Variants in FLT3LG observed in about 807,000 individuals in gnomAD.
The protein encoded by FLT3LG is fms-related tyrosine kinase 3 ligand.
In FLT3LG, 8 loss-of-function variants were observed where a neutral mutation model predicts 30.9. That is an observed-to-expected ratio of 0.26 (90% CI 0.15 to 0.47). The LOEUF (loss-of-function observed/expected upper bound fraction) is 0.47, where lower values mean the gene tolerates loss of function less well. Ranked by LOEUF, FLT3LG falls within the 20% of genes least tolerant of loss-of-function variation. The pLI, the probability that FLT3LG is intolerant of heterozygous loss-of-function variation, is 0.99. For missense variants in FLT3LG, 278 were observed against 306.2 expected, an observed-to-expected ratio of 0.91 and a Z score of 0.69; for synonymous variants, 123 against 135.9, an observed-to-expected ratio of 0.91 and a Z score of 0.66.
At position 49,484,559 on chromosome 19, in the gene FLT3LG, C is replaced by T. The variant is rs183564830; in HGVS notation, c.*22-1456C>T. Reference sequence around the variant, plus strand: ...TTGCCCAGGCTGGAGTGCAACGGCACGATCTCGGCTCACTGCAACATCTGC... The same window carrying T: ...TTGCCCAGGCTGGAGTGCAACGGCATGATCTCGGCTCACTGCAACATCTGC... On this transcript the variant is annotated intron_variant, in intron 8 of 8. Coordinates refer to ENST00000597551, the MANE Select transcript of FLT3LG (RefSeq NM_001459.4). Among the ~76,000 whole-genome samples the T allele has an allele frequency of 1.4e-3, 211 of 151,998 alleles. 3 individuals carry two copies. The highest frequency in any genetic ancestry group is 0.01 in the Middle Eastern group (3 of 294).
chr19:49,484,864 C>T (rs900381444), intron 8 of FLT3LG, among the ~76,000 whole-genome samples: 2 of 152,100 alleles, frequency 1.3e-5, no homozygotes, highest in African/African-American at 2.4e-5. Flanking sequence ...CTTGGCAGAT[C>T]GCTTGAGCCT....
At chr19:49,478,746 G>A (rs1601094229) in intron 5 of FLT3LG, among the ~76,000 whole-genome samples, 163 bp from the exon 6 acceptor site, 1 of 150,250 alleles carries the variant, frequency 6.7e-6, no homozygotes, top group African/African-American at 2.5e-5. Flanking sequence ...AACAGAGTGA[G>A]ACTCTATCTC....
intron 8 of FLT3LG, among the ~76,000 whole-genome samples, chr19:49,485,256 T>C (rs1601146195): frequency 6.7e-6 from 1 of 149,276 alleles, no homozygotes; most frequent in African/African-American, 2.5e-5. Flanking sequence ...TTCTTTTTTT[T>C]TTTTTTTTTG....
chr19:49,476,191 T>G lies in FLT3LG; in HGVS notation c.191T>G (p.Leu64Arg), dbSNP rs754447812. Residue 64 changes from leucine to arginine, a missense_variant, in exon 4 of 9, where the codon CTG becomes CGG. By Grantham distance (102) the Leu-to-Arg change is moderately radical. Transcript: ENST00000597551. This position sits in a 1 kb window ranked among gnomAD's most constrained non-coding sequence, Gnocchi z 5.3. ...QDYPVTVASN[L>R]QDEELCGGLW... ...TACCCAGTCACCGTGGCCTCCAACC[T>G]GCAGGACGTAAGTCATGTTGGGAGG... is the stretch of plus-strand genomic sequence containing the variant. 1 of 1,612,456 alleles carries G rather than the reference T, an allele frequency of 6.2e-7. No individual in the cohort carries two copies.
intron 5 of FLT3LG, among the ~76,000 whole-genome samples, chr19:49,477,218 A>T (rs7409047): frequency 0.18 from 27,346 of 151,858 alleles, 3,728 homozygotes; most frequent in African/African-American, 0.38. Context: ...AGGTGGGAGG[A>T]TTATTTGAGC....
At chr19:49,483,814 A>T (rs1023099339) in intron 8 of FLT3LG, among the ~76,000 whole-genome samples, 4 of 150,408 alleles carry the variant, frequency 2.7e-5, no homozygotes, top group African/African-American at 9.8e-5. Flanking sequence ...ATCCAACAAC[A>T]ACAAAAATAA....
At position 49,476,021 on chromosome 19, in the gene FLT3LG, T is replaced by G; in HGVS notation, c.145-124T>G. 1 of 1,171,374 alleles carries G rather than the reference T, an allele frequency of 8.5e-7. No homozygotes were observed. The highest frequency in any genetic ancestry group is 1.9e-4 in the Middle Eastern group (1 of 5,236). 72.6% of individuals were successfully genotyped at this position (1,171,374 alleles called of 1,614,324 possible). On this transcript the variant is annotated intron_variant, in intron 3 of 8. Coordinates refer to ENST00000597551, the MANE Select transcript of FLT3LG (RefSeq NM_001459.4). The surrounding 1 kb of genome is among the most constrained non-coding windows in gnomAD (Gnocchi z 5.3). ...TTTTTAAGGGCAAGGTTCTGTGGCTTCTTCTGGGCTCCCCCTCTCTTGGTC... is the reference window on the plus strand; with the variant it reads ...TTTTTAAGGGCAAGGTTCTGTGGCTGCTTCTGGGCTCCCCCTCTCTTGGTC...
In FLT3LG at chr19:49,476,921, C is replaced by A. The variant is rs907318314; in HGVS notation, c.342+355C>A. ...TAGCACTTTGGGAGGCTGAGGTGGG[C>A]GGATCACTTGAGGTCAGGAGTTTGA... On this transcript the variant is annotated intron_variant, in intron 5 of 8. Coordinates refer to ENST00000597551, the MANE Select transcript of FLT3LG (RefSeq NM_001459.4). The surrounding 1 kb of genome is among the most constrained non-coding windows in gnomAD (Gnocchi z 5.3). 2.6e-5 allele frequency among the ~76,000 whole-genome samples: 4 copies of A among 151,232 alleles called. No individual in the cohort carries two copies. The highest frequency in any genetic ancestry group is 6.6e-5 in the Admixed American group (1 of 15,194).
intron 5 of FLT3LG, among the ~76,000 whole-genome samples, 181 bp from the exon 6 acceptor site, chr19:49,478,728 G>A (rs1394944468): frequency 1.3e-5 from 2 of 152,038 alleles, no homozygotes; most frequent in Non-Finnish European, 2.9e-5. Context: ...CACCACTCCA[G>A]CCTGGGCAAC....
intron 1 of FLT3LG, 151 bp downstream of exon 1, chr19:49,474,432 G>A (rs2079301877): frequency 3.2e-6 from 2 of 616,834 alleles, no homozygotes; most frequent in Non-Finnish European, 5.8e-6. Flanking sequence ...TCTTAGAAGT[G>A]GAGATGAAGA....
intron 2 of FLT3LG, 51 bp from the exon 3 acceptor site, chr19:49,475,640 G>T: frequency 6.3e-7 from 1 of 1,576,212 alleles, no homozygotes; most frequent in South Asian, 1.1e-5. Context: ...CCGGAGGAGG[G>T]GGCTGTGTGT....
Position 49,480,328 on chromosome 19 carries a change from C to T in FLT3LG, c.512C>T (p.Pro171Leu). 1 of 1,608,618 alleles carries T rather than the reference C, an allele frequency of 6.2e-7. No homozygotes were observed. Among genetic ancestry groups the T allele is most frequent in the South Asian group, 1.1e-5 (1 of 90,822 alleles). The part of the protein sequence containing the change: ...DSSTLPPPWS[P>L]RPLEATAPTA... ...TCAACCCTGCCACCCCCATGGAGTC[C>T]CCGGCCCCTGGAGGCCACAGCCCCG... Residue 171 changes from proline (P) to leucine (L), a missense_variant, in exon 7 of 9, where the codon CCC (proline) becomes CTC (leucine). Transcript: ENST00000597551.
In FLT3LG at chr19:49,476,429, C is replaced by A. The variant is rs149544682; in HGVS notation, c.205C>A (p.Leu69Ile). 117 of 1,612,846 alleles carry A rather than the reference C, an allele frequency of 7.3e-5. No homozygotes were observed. Among genetic ancestry groups the A allele is most frequent in the Non-Finnish European group, 9.6e-5 (113 of 1,179,590 alleles). The stretch of plus-strand genomic sequence containing the variant: ...CGTGGGTTCTCCCCTCTAGGAGGAG[C>A]TCTGCGGGGGCCTCTGGCGGCTGGT... Reference protein sequence around the residue: ...TVASNLQDEELCGGLWRLVLA... With the variant: ...TVASNLQDEEICGGLWRLVLA... The change falls in exon 5 of 9, where the codon CTC (leucine) becomes ATC (isoleucine). Residue 69 changes from leucine (L) to isoleucine (I), a missense_variant. This residue lies in a region of FLT3LG where 68 missense variants were observed against 110.0 expected (regional missense o/e 0.62). Coordinates refer to ENST00000597551, the MANE Select transcript of FLT3LG (RefSeq NM_001459.4). This position sits in a 1 kb window ranked among gnomAD's most constrained non-coding sequence, Gnocchi z 5.3.
At chr19:49,484,135 A>T in intron 8 of FLT3LG, among the ~76,000 whole-genome samples, 1 of 148,960 alleles carries the variant, frequency 6.7e-6, no homozygotes, top group Non-Finnish European at 1.5e-5. Flanking sequence ...TGCCCGCCTC[A>T]GCCTCCCAAA....
intron 1 of FLT3LG, 41 bp downstream of exon 1, chr19:49,474,322 A>C: frequency 7.5e-6 from 4 of 530,000 alleles, no homozygotes; most frequent in Non-Finnish European, 1.3e-5. Context: ...CAAGGGGCGG[A>C]GCCAGGGTCC....
Position 49,480,373 on chromosome 19 carries a change from TGCTCCTC to T in FLT3LG, c.558_564del (p.Leu187TyrfsTer59), listed in dbSNP as rs766598153. The T allele has an allele frequency of 1.9e-6, 3 of 1,610,628 alleles. No individual in the cohort carries two copies. Among genetic ancestry groups the T allele is most frequent in the Non-Finnish European group, 2.5e-6 (3 of 1,178,840 alleles). On this transcript the variant is annotated frameshift_variant, in exon 7 of 9. Coordinates refer to ENST00000597551, the MANE Select transcript of FLT3LG (RefSeq NM_001459.4). LOFTEE classifies it high-confidence loss of function. ...GCCCCGACAGCCCCGCAGCCCCCTC[TGCTCCTC>T]CTACTGCTGCTGCCCGTGGGCCTCC...
Position 49,480,331 on chromosome 19 carries a change from G to A in FLT3LG, c.515G>A (p.Arg172Gln), listed in dbSNP as rs141645940. Residue 172 changes from arginine (R) to glutamine (Q), a missense_variant, in exon 7 of 9, where the codon CGG (arginine) becomes CAG (glutamine). Coordinates refer to ENST00000597551, the MANE Select transcript of FLT3LG (RefSeq NM_001459.4). ...ACCCTGCCACCCCCATGGAGTCCCCGGCCCCTGGAGGCCACAGCCCCGACA... is the reference window on the plus strand; with the variant it reads ...ACCCTGCCACCCCCATGGAGTCCCCAGCCCCTGGAGGCCACAGCCCCGACA... ...SSTLPPPWSPRPLEATAPTAP... is the reference protein window; with the variant it reads ...SSTLPPPWSPQPLEATAPTAP... The A allele has an allele frequency of 1.3e-5, 21 of 1,608,706 alleles. No individual in the cohort carries two copies. The highest frequency in any genetic ancestry group is 6.7e-5 in the East Asian group (3 of 44,814).
At chr19:49,478,793 G>T (rs2079489069) in intron 5 of FLT3LG, 116 bp from the exon 6 acceptor site, 3 of 907,832 alleles carry the variant, frequency 3.3e-6, no homozygotes, top group Non-Finnish European at 1.5e-6. Flanking sequence ...TAAACTCTGA[G>T]AGCCAGAGCT....
chr19:49,482,873 C>T (rs888386993), intron 8 of FLT3LG, among the ~76,000 whole-genome samples: 4 of 152,032 alleles, frequency 2.6e-5, no homozygotes, highest in Non-Finnish European at 5.9e-5. Flanking sequence ...ATGATCCACC[C>T]GCCTCAGCCT....
Sources: gnomAD v4.1 joint callset for allele counts (sites outside exome capture counted in the v4.1 genomes callset) on GRCh38, gnomAD v4.1.1 for gene constraint, gnomAD v4.1.1 regional missense constraint, Gnocchi (gnomAD v3.1) non-coding constraint, MANE v1.5 for transcripts, NCBI Gene and HGNC (gene_info 2026-07-23, HGNC 2026-07-21) for gene names.